Variants in HLCS observed in about 807,000 individuals in gnomAD.
HLCS encodes the protein biotin--protein ligase.
Under a neutral mutation model 75.0 loss-of-function variants are expected in HLCS, and 53 were observed. That is an observed-to-expected ratio of 0.71 (90% confidence interval 0.57 to 0.89). The LOEUF is 0.89. Ranked by LOEUF, HLCS falls within the 40% of genes least tolerant of loss-of-function variation. The pLI is 0.00. For missense variants in HLCS, 966 were observed against 1,074.0 expected, an observed-to-expected ratio of 0.90 and a Z score of 1.41; for synonymous variants, 431 against 428.6, an observed-to-expected ratio of 1.01 and a Z score of -0.07.
At chr21:36,837,864 G>C (rs535038443) in intron 6 of HLCS, among the ~76,000 whole-genome samples, 1 of 152,120 alleles carries the variant, frequency 6.6e-6, no homozygotes, top group East Asian at 1.9e-4. Context: ...TTCTTACAGC[G>C]GAGAGGGGAA....
chr21:36,755,556 T>C (rs1293402231), intron 10 of HLCS, among the ~76,000 whole-genome samples: 3 of 152,252 alleles, frequency 2.0e-5, no homozygotes, highest in Admixed American at 6.5e-5. Context: ...AAACGGTCCA[T>C]GTTCACGTCA....
Position 36,796,187 on chromosome 21 carries a change from T to C in HLCS, c.1893-28902A>G, listed in dbSNP as rs556973732. On this transcript the variant is annotated intron_variant, in intron 6 of 10. Coordinates refer to ENST00000674895, the MANE Select transcript of HLCS (RefSeq NM_001352514.2). ...AACCCCAAACACTTAAACACACAGA[T>C]GTGAAAATCATGAATAAAATGCTAG... Among the ~76,000 whole-genome samples the C allele has an allele frequency of 2.0e-5, 3 of 152,322 alleles. No individual in the cohort carries two copies. The South Asian group carries it at 6.2e-4, about 32-fold the overall frequency.
chr21:36,776,628 T>G, intron 6 of HLCS, among the ~76,000 whole-genome samples: 1 of 152,160 alleles, frequency 6.6e-6, no homozygotes. Context: ...TTGGTTGGGC[T>G]GGTCTCGAAC....
chr21:36,836,580 C>T (rs887559834), intron 6 of HLCS, among the ~76,000 whole-genome samples: 1 of 150,630 alleles, frequency 6.6e-6, no homozygotes, highest in South Asian at 2.1e-4. Flanking sequence ...ACAGGCAACC[C>T]ACAAAATGGG....
chr21:36,883,333 G>A (rs1329841126), intron 6 of HLCS, among the ~76,000 whole-genome samples: 1 of 152,208 alleles, frequency 6.6e-6, no homozygotes, highest in Non-Finnish European at 1.5e-5. Context: ...AAATGGAAGA[G>A]AGGGATGCCT....
chr21:36,900,852 G>A (rs1489012327), intron 5 of HLCS, among the ~76,000 whole-genome samples: 1 of 152,192 alleles, frequency 6.6e-6, no homozygotes, highest in African/African-American at 2.4e-5. Context: ...AAGATTTCTG[G>A]CCTAAACATC....
chr21:36,759,754 T>C lies in HLCS; in HGVS notation c.2209A>G (p.Met737Val), dbSNP rs761117077. ...IGGVLVNSTL[M>V]GETFYILIGC... The stretch of plus-strand genomic sequence containing the variant: ...ATAAGTATATAAAATGTTTCTCCCA[T>C]GAGTGTTGAGTTAACCAGAACTCCG... Residue 737 changes from methionine to valine, a missense_variant, in exon 9 of 11, where the codon ATG becomes GTG. By Grantham distance (21) the Met-to-Val change is conservative. Coordinates refer to ENST00000674895, the MANE Select transcript of HLCS (RefSeq NM_001352514.2). 5.6e-6 allele frequency: 9 copies of C among 1,608,238 alleles called. No homozygotes were observed. Among genetic ancestry groups the C allele is most frequent in the African/African-American group, 1.3e-5 (1 of 74,800 alleles).
At chr21:36,975,419 CCT>C (rs770142917) in intron 1 of HLCS, among the ~76,000 whole-genome samples, 20 of 152,216 alleles carry the variant, frequency 1.3e-4, no homozygotes, top group African/African-American at 2.6e-4. Flanking sequence ...GTGCCCGTCC[CCT>C]GTTTCCCACG....
At chr21:36,820,794 T>C (rs1017522661) in intron 6 of HLCS, among the ~76,000 whole-genome samples, 3 of 152,234 alleles carry the variant, frequency 2.0e-5, no homozygotes, top group Admixed American at 6.5e-5. Context: ...AAGCTCCATC[T>C]TCAAGTCAAG....
intron 6 of HLCS, among the ~76,000 whole-genome samples, chr21:36,887,020 C>T (rs546122622): frequency 3.3e-5 from 5 of 152,038 alleles, no homozygotes; most frequent in East Asian, 1.9e-4. Context: ...ATCCCAGCTG[C>T]GCAGGAGGCT....
At chr21:36,977,247 G>A (rs1377499081) in intron 1 of HLCS, among the ~76,000 whole-genome samples, 1 of 152,082 alleles carries the variant, frequency 6.6e-6, no homozygotes, top group African/African-American at 2.4e-5. Context: ...ATCAGGTCCT[G>A]GTTGGGCGAA....
intron 6 of HLCS, among the ~76,000 whole-genome samples, chr21:36,887,278 C>T (rs1032958901): frequency 6.6e-6 from 1 of 152,178 alleles, no homozygotes; most frequent in Non-Finnish European, 1.5e-5. Flanking sequence ...CACTTTGTTA[C>T]TGCACCCCGG....
At chr21:36,907,708 A>G (rs2065519761) in intron 5 of HLCS, among the ~76,000 whole-genome samples, 1 of 152,152 alleles carries the variant, frequency 6.6e-6, no homozygotes, top group Admixed American at 6.6e-5. Context: ...TGAAAAGACA[A>G]ACAACAAACT....
intron 5 of HLCS, among the ~76,000 whole-genome samples, chr21:36,906,990 G>C (rs2065486556): frequency 6.6e-6 from 1 of 152,130 alleles, no homozygotes; most frequent in Non-Finnish European, 1.5e-5. Flanking sequence ...GCTCACTGCA[G>C]CCTCAAATTC....
At chr21:36,905,700 TA>T (rs888293631) in intron 5 of HLCS, among the ~76,000 whole-genome samples, 37 of 146,846 alleles carry the variant, frequency 2.5e-4, no homozygotes, top group South Asian at 1.9e-3. Context: ...AAAGGAATCT[TA>T]AAAAAAAAAA....
Position 36,936,802 on chromosome 21 carries a change from G to A in HLCS, c.1084C>T (p.Leu362=), listed in dbSNP as rs1459880908. 2 of 1,614,058 alleles carry A rather than the reference G, an allele frequency of 1.2e-6. No individual in the cohort carries two copies. The highest frequency in any genetic ancestry group is 8.5e-7 in the Non-Finnish European group (1 of 1,180,040). The change falls in exon 4 of 11, where the codon CTG becomes TTG. Residue 362 remains leucine, a synonymous_variant. Transcript: ENST00000674895. ...TCCCTGGTAGCAATGACCAACAGCA[G>A]ACAGTTGTCCGTCCACGGGTCTCTG... ...ALRDPWTDNC[L]LLVIATRESI... is the part of the protein sequence containing the mutation.
At chr21:36,840,636 GT>G (rs996004134) in intron 6 of HLCS, among the ~76,000 whole-genome samples, 1 of 152,232 alleles carries the variant, frequency 6.6e-6, no homozygotes, top group East Asian at 1.9e-4. Flanking sequence ...TTGAGATGGA[GT>G]TTTTTGCTCT....
At chr21:36,872,460 T>C (rs2146236795) in intron 6 of HLCS, among the ~76,000 whole-genome samples, 1 of 152,236 alleles carries the variant, frequency 6.6e-6, no homozygotes, top group South Asian at 2.1e-4. Flanking sequence ...TATGTAAAAT[T>C]GGCCTACCTT....
chr21:36,903,136 G>A (rs2065308413), intron 5 of HLCS, among the ~76,000 whole-genome samples: 1 of 152,148 alleles, frequency 6.6e-6, no homozygotes, highest in Non-Finnish European at 1.5e-5. Flanking sequence ...AAGCTCAAAT[G>A]AGCTACCAAA....
Sources: allele counts gnomAD v4.1 joint callset (sites outside exome capture counted in the v4.1 genomes callset), GRCh38; gene constraint gnomAD v4.1.1; transcripts MANE v1.5; gene names NCBI Gene and HGNC (gene_info 2026-07-23, HGNC 2026-07-21).